Variants in PFKFB3 observed in about 807,000 individuals in gnomAD.
PFKFB3 encodes 6-phosphofructo-2-kinase/fructose-2,6-biphosphatase 3.
Under a neutral mutation model 68.0 loss-of-function variants are expected in PFKFB3, and 33 were observed. That is an observed-to-expected ratio of 0.49 (90% CI 0.37 to 0.65). The LOEUF is 0.65. Ranked by LOEUF, PFKFB3 falls within the 30% of genes least tolerant of loss-of-function variation. PFKFB3 has a pLI of 0.00. For missense variants in PFKFB3, 586 were observed against 712.2 expected (o/e 0.82, Z 2.02); for synonymous variants, 315 against 288.2 (o/e 1.09, Z -0.94).
rs527536428 is a variant in PFKFB3 at position 6,230,895 on chromosome 10, T to C, written c.1516-2000T>C. 3.7e-4 allele frequency among the ~76,000 whole-genome samples: 57 copies of C among 152,260 alleles called. 1 individual carries two copies. The highest frequency in any genetic ancestry group is 1.3e-3 in the African/African-American group (54 of 41,546). ...CATGCCCGGCTAATGTTTGTATTTT[T>C]AGTAGAGATGGGGTTTCACCATGTT... On this transcript the variant is annotated intron_variant, in intron 14 of 14. Coordinates refer to ENST00000379775, the MANE Select transcript of PFKFB3 (RefSeq NM_004566.4).
At chr10:6,284,163 G>T in the PFKFB3 span, among the ~76,000 whole-genome samples, 1 of 152,192 alleles carries the variant, frequency 6.6e-6, no homozygotes, top group Non-Finnish European at 1.5e-5. Context: ...TTTTGCTGTT[G>T]TTGAAAGGAT....
At chr10:6,281,460 A>G in the PFKFB3 span, among the ~76,000 whole-genome samples, 4 of 151,938 alleles carry the variant, frequency 2.6e-5, no homozygotes, top group African/African-American at 2.4e-5. Flanking sequence ...CCCAGCTAAA[A>G]ATTTGGCATT....
chr10:6,248,353 G>T (rs1168971736), intron 14 of PFKFB3, among the ~76,000 whole-genome samples: 2 of 152,092 alleles, frequency 1.3e-5, no homozygotes, highest in Non-Finnish European at 2.9e-5. Flanking sequence ...ATTAAAAAAT[G>T]TTCAAGGATG....
intron 14 of PFKFB3, among the ~76,000 whole-genome samples, chr10:6,250,638 A>G (rs531832825): frequency 9.9e-5 from 15 of 151,576 alleles, no homozygotes; most frequent in Non-Finnish European, 2.1e-4. Flanking sequence ...TCCCTTGTGA[A>G]TGGGATTAGG....
At chr10:6,270,676 T>C in the PFKFB3 span, among the ~76,000 whole-genome samples, 1 of 152,240 alleles carries the variant, frequency 6.6e-6, no homozygotes, top group Non-Finnish European at 1.5e-5. Flanking sequence ...GATGGTGTCA[T>C]GGCATCAAGG....
intron 14 of PFKFB3, chr10:6,226,586 C>G (rs1382066392): frequency 2.5e-5 from 14 of 555,818 alleles, no homozygotes; most frequent in Non-Finnish European, 3.5e-5. Context: ...AGTTAAGATC[C>G]TGGGGGCTTT....
chr10:6,256,435 G>A (rs541364065), downstream of PFKFB3, among the ~76,000 whole-genome samples: 90 of 152,300 alleles, frequency 5.9e-4, no homozygotes, highest in African/African-American at 1.9e-3. Context: ...GACAGTACCC[G>A]GAGGGGACGA....
At chr10:6,305,236 C>T in the PFKFB3 span, among the ~76,000 whole-genome samples, 1 of 140,724 alleles carries the variant, frequency 7.1e-6, no homozygotes, top group Non-Finnish European at 1.5e-5. Context: ...GTTGCCCAGG[C>T]TGGCCTTGAA....
chr10:6,221,252 C>T (rs1371109755), intron 8 of PFKFB3, 129 bp from the exon 9 acceptor site: 12 of 1,053,254 alleles, frequency 1.1e-5, no homozygotes, highest in Non-Finnish European at 1.6e-5. Context: ...TGTGGCTGTC[C>T]CAGTGGCCTG....
intron 1 of PFKFB3, among the ~76,000 whole-genome samples, chr10:6,181,122 G>A (rs4750062): frequency 2.6e-5 from 4 of 152,012 alleles, no homozygotes; most frequent in Admixed American, 6.5e-5. Flanking sequence ...TCAAGCTATC[G>A]CCCCACCTCA....
the PFKFB3 span, chr10:6,294,093 G>T: frequency 6.1e-6 from 3 of 495,658 alleles, 1 homozygote; most frequent in South Asian, 4.5e-5. Flanking sequence ...GCCCTGAATT[G>T]GCGCACCAGA....
At chr10:6,259,386 C>T (rs555186616), downstream of PFKFB3, among the ~76,000 whole-genome samples, 1 of 151,168 alleles carries the variant, frequency 6.6e-6, no homozygotes, top group Non-Finnish European at 1.5e-5. Context: ...ACCAACTCAT[C>T]CATTCATCTG....
Position 6,221,433 on chromosome 10 carries a change from G to A in PFKFB3, c.884G>A (p.Arg295His), listed in dbSNP as rs748864570. ...FVEEQNLKDL[R>H]VWTSQLKSTI... ...GAGGAGCAGAACCTGAAGGACCTGCGCGTGTGGACCAGCCAGCTGAAGAGC... is the reference window on the plus strand; with the variant it reads ...GAGGAGCAGAACCTGAAGGACCTGCACGTGTGGACCAGCCAGCTGAAGAGC... Residue 295 changes from arginine (R) to histidine (H), a missense_variant, in exon 9 of 15, where the codon CGC becomes CAC. Arg to His is a conservative substitution (Grantham distance 29, BLOSUM62 0). Transcript: ENST00000379775. 1.9e-5 allele frequency: 30 copies of A among 1,613,742 alleles called. No individual in the cohort carries two copies. Among genetic ancestry groups the A allele is most frequent in the East Asian group, 6.7e-5 (3 of 44,894 alleles).
chr10:6,192,452 G>A (rs1329563870), intron 1 of PFKFB3, among the ~76,000 whole-genome samples: 1 of 147,800 alleles, frequency 6.8e-6, no homozygotes, highest in Non-Finnish European at 1.5e-5. Flanking sequence ...GGGGAACAGA[G>A]CAGGGAGAGG....
rs184974756 is a variant in PFKFB3 at position 6,207,329 on chromosome 10, C to T, written c.76+3993C>T. On this transcript the variant is annotated intron_variant, in intron 1 of 14. Coordinates refer to ENST00000379775, the MANE Select transcript of PFKFB3 (RefSeq NM_004566.4). ...GGCGCCTCCTGCAATCGCAGGCACT[C>T]GGCAGGCTGAGGCAGGAGAATCAGG... Among the ~76,000 whole-genome samples the T allele has an allele frequency of 3.5e-3, 531 of 152,322 alleles. 10 individuals carry two copies. In the East Asian group the frequency reaches 0.066, roughly 19 times the overall value.
In PFKFB3 at chr10:6,233,479, TGAG is replaced by T. The variant is rs1845866432; in HGVS notation, c.*539_*541del. 1 of 152,808 alleles carries T rather than the reference TGAG, an allele frequency of 6.5e-6. No individual in the cohort carries two copies. The highest frequency in any genetic ancestry group is 1.9e-4 in the East Asian group (1 of 5,336). 9.5% of individuals were successfully genotyped at this position (152,808 alleles called of 1,614,324 possible). ...GAACGAACTTGGACAGGTGTTGGGT[TGAG>T]GCCTCTTCTGCAGGAAGTCCCTGAG... On this transcript the variant is annotated 3_prime_UTR_variant, in exon 15 of 15. Transcript: ENST00000379775.
At chr10:6,274,958 G>A in the PFKFB3 span, among the ~76,000 whole-genome samples, 1 of 152,184 alleles carries the variant, frequency 6.6e-6, no homozygotes, top group South Asian at 2.1e-4. Context: ...TAATGAAAAT[G>A]CTAAATATTA....
intron 1 of PFKFB3, among the ~76,000 whole-genome samples, chr10:6,176,386 A>G (rs948423348): frequency 1.3e-5 from 2 of 152,102 alleles, no homozygotes; most frequent in Non-Finnish European, 2.9e-5. Context: ...TGCATTCTGA[A>G]TGTATTCTAT....
At chr10:6,252,343 G>C (rs191946672) in intron 14 of PFKFB3, among the ~76,000 whole-genome samples, 148 of 152,254 alleles carry the variant, frequency 9.7e-4, no homozygotes, top group East Asian at 5.8e-3. Context: ...GATGTAGTTT[G>C]GGGTTAACAA....
Sources: allele counts gnomAD v4.1 joint callset (sites outside exome capture counted in the v4.1 genomes callset), GRCh38; gene constraint gnomAD v4.1.1; transcripts MANE v1.5; gene names NCBI Gene and HGNC (gene_info 2026-07-23, HGNC 2026-07-21).